The following INPP5A variants were observed in gnomAD, a reference collection of about 807,000 sequenced individuals.
INPP5A encodes inositol polyphosphate-5-phosphatase A.
A neutral mutation model predicts 65.2 loss-of-function variants in INPP5A; 14 were observed. The observed-to-expected ratio is 0.21, with a 90% CI of 0.14 to 0.34. The LOEUF (loss-of-function observed/expected upper bound fraction) is 0.34. INPP5A is among the 10% of genes least tolerant of loss of function. INPP5A has a pLI of 1.00. For synonymous variants in INPP5A, 207 were observed against 208.3 expected (o/e 0.99, Z 0.05); for missense variants, 431 against 545.6 (o/e 0.79, Z 2.09).
chr10:132,621,802 AATCTGTGT>A (rs757495033), intron 2 of INPP5A, among the ~76,000 whole-genome samples: 32 of 148,854 alleles, frequency 2.1e-4, no homozygotes, highest in Admixed American at 5.3e-4. Flanking sequence ...TTTTTTTTTA[AATCTGTGT>A]AGCTGTCTTA....
intron 1 of INPP5A, among the ~76,000 whole-genome samples, chr10:132,579,057 T>C (rs2071446790): frequency 6.6e-6 from 1 of 152,088 alleles, no homozygotes; most frequent in South Asian, 2.1e-4. Flanking sequence ...GTTGCGGTGA[T>C]GTAGGAAGGG....
At chr10:132,605,450 TG>T (rs1564931808) in intron 1 of INPP5A, among the ~76,000 whole-genome samples, 1 of 17,254 alleles carries the variant, frequency 5.8e-5, no homozygotes. Flanking sequence ...GGGGAGGGGA[TG>T]GGGAGGGTGT....
intron 4 of INPP5A, among the ~76,000 whole-genome samples, chr10:132,665,536 A>G (rs2133424346): frequency 1.3e-5 from 2 of 151,774 alleles, no homozygotes; most frequent in East Asian, 3.9e-4. Context: ...TGAGCTTAGG[A>G]GTAATCCCAG....
At chr10:132,625,719 G>T (rs1267031228) in intron 2 of INPP5A, among the ~76,000 whole-genome samples, 1 of 152,146 alleles carries the variant, frequency 6.6e-6, no homozygotes, top group African/African-American at 2.4e-5. Flanking sequence ...CTGAGGTCAG[G>T]GGCGTGCCTT....
chr10:132,642,969 G>T (rs1482674436), intron 2 of INPP5A, among the ~76,000 whole-genome samples: 2 of 152,192 alleles, frequency 1.3e-5, no homozygotes, highest in Non-Finnish European at 2.9e-5. Context: ...GTACAAAGCA[G>T]GTGTTGCCAG....
intron 9 of INPP5A, among the ~76,000 whole-genome samples, chr10:132,747,834 A>G (rs1466255587): frequency 6.6e-6 from 1 of 152,206 alleles, no homozygotes; most frequent in Non-Finnish European, 1.5e-5. Context: ...CAATCGCTTG[A>G]GCCCAGAGGT....
chr10:132,708,227 C>A, intron 6 of INPP5A, 86 bp from the exon 7 acceptor site: 1 of 1,199,076 alleles, frequency 8.3e-7, no homozygotes, highest in Non-Finnish European at 1.2e-6. Flanking sequence ...TGGAAAGCAT[C>A]TCCTGTGTCC....
chr10:132,630,906 C>T (rs2133373410), intron 2 of INPP5A, among the ~76,000 whole-genome samples: 1 of 152,326 alleles, frequency 6.6e-6, no homozygotes, highest in South Asian at 2.1e-4. Context: ...TCCACCTCTG[C>T]CCGTGGCGTC....
rs528901925 is a variant in INPP5A, at chr10:132,546,521, G to T, written c.75+8350G>T. On this transcript the variant is annotated intron_variant, in intron 1 of 15. Transcript: ENST00000368594. This position sits in a 1 kb window ranked among gnomAD's most constrained non-coding sequence, Gnocchi z 5.7. The stretch of plus-strand genomic sequence containing the variant: ...AGGGGTTGCTGGGGACCAGCTGGTT[G>T]CTGTGTCGGGGGGCCGTGCTCCCCC... Among the ~76,000 whole-genome samples the T allele has an allele frequency of 1.3e-5, 2 of 152,258 alleles. No individual in the cohort carries two copies. Among genetic ancestry groups the T allele is most frequent in the South Asian group, 4.2e-4 (2 of 4,814 alleles).
chr10:132,602,285 C>T (rs1165287220), intron 1 of INPP5A, among the ~76,000 whole-genome samples: 2 of 152,022 alleles, frequency 1.3e-5, no homozygotes, highest in African/African-American at 2.4e-5. Flanking sequence ...ATCTTATATC[C>T]TGCCACGTTG....
chr10:132,651,743 T>C lies in INPP5A; in HGVS notation c.306+1238T>C, dbSNP rs1327623372. ...CATTGCTGTTTGGGTTCAAGGGCCA[T>C]CTCACTTGTTTGGGCATCCAGTGCC... On this transcript the variant is annotated intron_variant, in intron 4 of 15. Transcript: ENST00000368594. The surrounding 1 kb of genome is among the most constrained non-coding windows in gnomAD (Gnocchi z 5.0). Among the ~76,000 whole-genome samples, 2 of 152,222 alleles carry C rather than the reference T, an allele frequency of 1.3e-5. No individual in the cohort carries two copies. The highest frequency in any genetic ancestry group is 2.9e-5 in the Non-Finnish European group (2 of 68,036).
chr10:132,612,299 G>T (rs527561074), intron 2 of INPP5A, among the ~76,000 whole-genome samples: 40 of 152,036 alleles, frequency 2.6e-4, no homozygotes, highest in African/African-American at 8.9e-4. Flanking sequence ...AGGGAGGTGA[G>T]GAGTTCATGG....
chr10:132,662,774 T>C (rs7914822), intron 4 of INPP5A, among the ~76,000 whole-genome samples: 137,108 of 152,266 alleles, frequency 0.9, 61,806 homozygotes, highest in East Asian at 1. Flanking sequence ...GCTCCCACCC[T>C]TTCATGCTGT....
At position 132,710,460 on chromosome 10, in the gene INPP5A, GGTGTGGGCGGGC is replaced by G. The variant is rs1195211032; in HGVS notation, c.647+5_647+16del. On this transcript the variant is annotated splice_donor_5th_base_variant and intron_variant, in intron 8 of 15. Coordinates refer to ENST00000368594, the MANE Select transcript of INPP5A (RefSeq NM_005539.5). ...CACTGGGCTACGTGCTGGACAGGTA[GGTGTGGGCGGGC>G]AGGTAGGCGTGGGCCGGGCAAGTAG... 3 of 1,612,630 alleles carry G rather than the reference GGTGTGGGCGGGC, an allele frequency of 1.9e-6. No homozygotes were observed. Among genetic ancestry groups the G allele is most frequent in the Admixed American group, 3.3e-5 (2 of 59,972 alleles).
chr10:132,594,219 T>C (rs1459168495), intron 1 of INPP5A, among the ~76,000 whole-genome samples: 1 of 152,194 alleles, frequency 6.6e-6, no homozygotes, highest in East Asian at 1.9e-4. Flanking sequence ...TCTAGAGCTG[T>C]GCTGTGTAGT....
intron 2 of INPP5A, among the ~76,000 whole-genome samples, chr10:132,611,540 G>A (rs1277300995): frequency 2.5e-4 from 28 of 113,212 alleles, no homozygotes; most frequent in Middle Eastern, 8.5e-3. Flanking sequence ...GCCCTGTCAG[G>A]GGAGGGTGAG....
chr10:132,693,252 C>A (rs897061630), intron 5 of INPP5A, among the ~76,000 whole-genome samples: 1 of 151,652 alleles, frequency 6.6e-6, no homozygotes, highest in African/African-American at 2.4e-5. Context: ...AATGGGAGAC[C>A]CCAAAGATAC....
intron 4 of INPP5A, among the ~76,000 whole-genome samples, chr10:132,677,847 C>T (rs978524594): frequency 7.2e-5 from 11 of 152,288 alleles, no homozygotes; most frequent in East Asian, 3.9e-4. Context: ...TTCAGCAACC[C>T]GCGTGCAGAA....
chr10:132,712,668 G>T (rs1302117796), intron 8 of INPP5A, among the ~76,000 whole-genome samples: 4 of 150,712 alleles, frequency 2.7e-5, no homozygotes, highest in African/African-American at 7.3e-5. Flanking sequence ...GTATATGCAT[G>T]TGTGGGTGCA....
Sources: gnomAD v4.1 joint callset for allele counts (sites outside exome capture counted in the v4.1 genomes callset) on GRCh38, gnomAD v4.1.1 for gene constraint, Gnocchi (gnomAD v3.1) non-coding constraint, MANE v1.5 for transcripts, NCBI Gene and HGNC (gene_info 2026-07-23, HGNC 2026-07-21) for gene names.